SAMD12: variants seen among roughly 807,000 people sequenced by gnomAD.
The protein encoded by SAMD12 is sterile alpha motif domain-containing protein 12.
SAMD12 carries 9 observed loss-of-function variants against 15.0 expected under a neutral mutation model. That is an observed-to-expected ratio of 0.60 (90% CI 0.36 to 1.05). SAMD12 has a LOEUF of 1.05. Among genes scored for constraint, SAMD12 ranks in the 50% least tolerant of loss-of-function variants. The pLI, the probability that SAMD12 is intolerant of heterozygous loss-of-function variation, is 0.01. For missense variants in SAMD12, 230 were observed against 234.2 expected, an observed-to-expected ratio of 0.98 and a Z score of 0.12; for synonymous variants, 86 against 90.1, an observed-to-expected ratio of 0.96 and a Z score of 0.25.
chr8:118,308,133 T>C (rs1467981883), intron 4 of SAMD12, among the ~76,000 whole-genome samples: 2 of 152,230 alleles, frequency 1.3e-5, no homozygotes, highest in African/African-American at 4.8e-5. Flanking sequence ...CTACAGCTTG[T>C]CCTTCATTTT....
intron 4 of SAMD12, among the ~76,000 whole-genome samples, chr8:118,366,864 A>T (rs929732669): frequency 1.1e-4 from 14 of 128,746 alleles, no homozygotes; most frequent in Admixed American, 7.1e-4. Context: ...AATAAAATAA[A>T]ATAAAATAAA....
chr8:118,334,595 G>A (rs746662179), intron 4 of SAMD12, among the ~76,000 whole-genome samples: 3 of 151,944 alleles, frequency 2.0e-5, no homozygotes, highest in Non-Finnish European at 4.4e-5. Context: ...TTTGGAATCG[G>A]CCTTTCTCTT....
At chr8:118,458,630 C>T (rs1236819963) in intron 2 of SAMD12, among the ~76,000 whole-genome samples, 1 of 152,168 alleles carries the variant, frequency 6.6e-6, no homozygotes, top group Non-Finnish European at 1.5e-5. Flanking sequence ...TTTTCTGTAC[C>T]TTTTACTCAT....
At chr8:118,550,465 G>A (rs1039773016) in intron 2 of SAMD12, among the ~76,000 whole-genome samples, 5 of 152,152 alleles carry the variant, frequency 3.3e-5, no homozygotes, top group Non-Finnish European at 5.9e-5. Flanking sequence ...ATACTTTACA[G>A]ACAAGCAAAT....
At chr8:118,399,568 G>A (rs1426920770) in intron 3 of SAMD12, among the ~76,000 whole-genome samples, 1 of 152,168 alleles carries the variant, frequency 6.6e-6, no homozygotes, top group Non-Finnish European at 1.5e-5. Context: ...TCCAACTCAG[G>A]ATAACTTTGA....
chr8:118,177,409 TTTTTTTTAA>T, the SAMD12 span, among the ~76,000 whole-genome samples: 1 of 151,908 alleles, frequency 6.6e-6, no homozygotes, highest in South Asian at 2.1e-4. Flanking sequence ...AGCTAACTTT[TTTTTTTTAA>T]TCTTTTGTAG....
intron 1 of SAMD12, among the ~76,000 whole-genome samples, chr8:118,617,753 A>AT (rs1828273354): frequency 6.6e-6 from 1 of 152,160 alleles, no homozygotes; most frequent in Non-Finnish European, 1.5e-5. Context: ...TATGTCATTC[A>AT]TGAAACAATG....
chr8:118,596,922 G>C (rs375194242), intron 1 of SAMD12, among the ~76,000 whole-genome samples: 4 of 152,304 alleles, frequency 2.6e-5, no homozygotes, highest in African/African-American at 9.6e-5. Context: ...GTGGTGAGGA[G>C]AGTGTTTGGG....
chr8:118,294,863 T>C (rs1814623976), intron 4 of SAMD12, among the ~76,000 whole-genome samples: 1 of 152,152 alleles, frequency 6.6e-6, no homozygotes, highest in Non-Finnish European at 1.5e-5. Context: ...TTTTTACAAG[T>C]GATTAGGCTC....
chr8:118,225,860 TGAG>T (rs1490571672), intron 4 of SAMD12, among the ~76,000 whole-genome samples: 2 of 152,160 alleles, frequency 1.3e-5, no homozygotes, highest in African/African-American at 2.4e-5. Flanking sequence ...ATAATGAGAT[TGAG>T]GCTCAGAGAT....
chr8:118,545,410 T>C (rs1826096574), intron 2 of SAMD12, among the ~76,000 whole-genome samples: 1 of 152,112 alleles, frequency 6.6e-6, no homozygotes, highest in Non-Finnish European at 1.5e-5. Context: ...GAGGTTGCAG[T>C]GAACCAAGAT....
intron 2 of SAMD12, among the ~76,000 whole-genome samples, chr8:118,542,022 C>T (rs897383415): frequency 1.1e-4 from 16 of 152,080 alleles, no homozygotes; most frequent in Admixed American, 5.2e-4. Context: ...TGCCAAATAT[C>T]TTAGTGGGGA....
intron 2 of SAMD12, among the ~76,000 whole-genome samples, chr8:118,524,385 C>G (rs1391670867): frequency 6.6e-6 from 1 of 152,140 alleles, no homozygotes; most frequent in Non-Finnish European, 1.5e-5. Flanking sequence ...CCTCCCTTCC[C>G]TCCTACCACA....
At chr8:118,381,524 T>C (rs1819668233) in intron 3 of SAMD12, among the ~76,000 whole-genome samples, 2 of 152,194 alleles carry the variant, frequency 1.3e-5, no homozygotes, top group African/African-American at 4.8e-5. Context: ...AGAGTATCTT[T>C]CATTATCCAG....
At chr8:118,152,506 C>CTTT in the SAMD12 span, among the ~76,000 whole-genome samples, 1 of 135,772 alleles carries the variant, frequency 7.4e-6, no homozygotes, top group Admixed American at 7.7e-5. Flanking sequence ...CTTCCTTCTT[C>CTTT]CTTCCTTCTT....
At position 118,333,975 on chromosome 8, in the gene SAMD12, C is replaced by CTGTGTGTG. The variant is rs777240048; in HGVS notation, c.433+45577_433+45584dup. On this transcript the variant is annotated intron_variant, in intron 4 of 4. Transcript: ENST00000409003. ...ACATTGGCGGGGGGCAGGGGTGTGT[C>CTGTGTGTG]TGTGTGTGTGTGTGTGTGTGGGAGG... Among the ~76,000 whole-genome samples the CTGTGTGTG allele has an allele frequency of 2.3e-4, 34 of 144,738 alleles. 1 individual carries two copies. Among genetic ancestry groups the CTGTGTGTG allele is most frequent in the African/African-American group, 7.4e-4 (29 of 38,948 alleles). The allele number at this position is 144,738 out of a possible 152,430, so 95.0% of individuals were successfully genotyped here. A position where few individuals can be genotyped will look rare whatever the true frequency, so the allele number is the denominator to read the frequency against.
chr8:118,365,904 C>T (rs1161244476), intron 4 of SAMD12, among the ~76,000 whole-genome samples: 1 of 152,002 alleles, frequency 6.6e-6, no homozygotes, highest in African/African-American at 2.4e-5. Context: ...CAGAGAAGTC[C>T]CTCTGCTTAC....
intron 2 of SAMD12, among the ~76,000 whole-genome samples, chr8:118,457,731 G>A (rs572626444): frequency 3.5e-4 from 53 of 152,142 alleles, no homozygotes; most frequent in African/African-American, 1.3e-3. Flanking sequence ...CTTTGGCCTG[G>A]GCATGAAGCT....
intron 4 of SAMD12, among the ~76,000 whole-genome samples, chr8:118,220,688 G>T (rs1374743950): frequency 2.0e-5 from 3 of 152,162 alleles, no homozygotes; most frequent in Admixed American, 6.5e-5. Context: ...ACAAGATCTA[G>T]ACTTGGCCAA....
Sources: gnomAD v4.1 joint callset for allele counts (sites outside exome capture counted in the v4.1 genomes callset) on GRCh38, gnomAD v4.1.1 for gene constraint, MANE v1.5 for transcripts, NCBI Gene and HGNC (gene_info 2026-07-23, HGNC 2026-07-21) for gene names.